The following BZW2 variants were observed in gnomAD, a reference collection of about 807,000 sequenced individuals.
The protein encoded by BZW2 is basic leucine zipper and W2 domains 2, also known as eIF5-mimic protein 1.
A neutral mutation model predicts 53.2 loss-of-function variants in BZW2; 23 were observed. That is an observed-to-expected ratio of 0.43 (90% CI 0.31 to 0.61). The LOEUF is 0.61. Among genes scored for constraint, BZW2 ranks in the 20% least tolerant of loss-of-function variants. BZW2 has a pLI of 0.09. For missense variants in BZW2, 409 were observed against 503.1 expected (o/e 0.81, Z 1.79); for synonymous variants, 227 against 186.4 (o/e 1.22, Z -1.77).
intron 1 of BZW2, among the ~76,000 whole-genome samples, chr7:16,652,344 A>C (rs1465457273): frequency 6.6e-6 from 1 of 152,188 alleles, no homozygotes. Context: ...ACTGGAGACA[A>C]TCAGTGCTTG....
At chr7:16,685,356 C>T (rs547456094) in intron 5 of BZW2, among the ~76,000 whole-genome samples, 4 of 151,760 alleles carry the variant, frequency 2.6e-5, no homozygotes, top group South Asian at 2.1e-4. Flanking sequence ...TGTTGTATTC[C>T]GTGAGCTCAG....
At chr7:16,680,461 C>T (rs1027298663) in intron 3 of BZW2, among the ~76,000 whole-genome samples, 2 of 152,072 alleles carry the variant, frequency 1.3e-5, no homozygotes, top group African/African-American at 4.8e-5. Flanking sequence ...ATGAAGTACA[C>T]TATGGTGGGA....
chr7:16,697,261 T>C (rs886534070), intron 9 of BZW2, among the ~76,000 whole-genome samples, 200 bp downstream of exon 9: 1 of 152,178 alleles, frequency 6.6e-6, no homozygotes, highest in Non-Finnish European at 1.5e-5. Context: ...GGCTAATTTC[T>C]TCATTTTTTG....
intron 1 of BZW2, among the ~76,000 whole-genome samples, chr7:16,654,455 A>C (rs1012193133): frequency 6.6e-6 from 1 of 151,724 alleles, no homozygotes; most frequent in African/African-American, 2.4e-5. Flanking sequence ...ATTGTATTTT[A>C]GCATAATATG....
At chr7:16,670,083 T>A (rs3807480) in intron 2 of BZW2, among the ~76,000 whole-genome samples, 2 of 151,982 alleles carry the variant, frequency 1.3e-5, no homozygotes, top group African/African-American at 2.4e-5. Context: ...CTTTTGATGG[T>A]CACTTTGTTT....
intron 1 of BZW2, among the ~76,000 whole-genome samples, chr7:16,649,729 T>C (rs916245146): frequency 6.6e-6 from 1 of 152,216 alleles, no homozygotes; most frequent in East Asian, 1.9e-4. Flanking sequence ...ATTACGGTTA[T>C]ATTTTTAAAA....
chr7:16,686,149 T>G (rs1377756083), intron 6 of BZW2, 109 bp downstream of exon 6: 8 of 1,467,348 alleles, frequency 5.5e-6, no homozygotes, highest in Non-Finnish European at 7.4e-6. Flanking sequence ...TTACTCATTC[T>G]TCATTTAAGA....
chr7:16,704,998 A>G (rs768024162), intron 11 of BZW2, among the ~76,000 whole-genome samples: 1 of 152,228 alleles, frequency 6.6e-6, no homozygotes, highest in Non-Finnish European at 1.5e-5. Flanking sequence ...TTTTTATGAC[A>G]CCTTTACCAA....
intron 10 of BZW2, among the ~76,000 whole-genome samples, chr7:16,699,775 A>G (rs1783612969): frequency 1.3e-5 from 2 of 152,136 alleles, no homozygotes; most frequent in Admixed American, 6.6e-5. Flanking sequence ...TCTCATTTTA[A>G]CCACTAATGC....
intron 3 of BZW2, among the ~76,000 whole-genome samples, chr7:16,677,608 C>T (rs758534865): frequency 1.3e-5 from 2 of 152,108 alleles, no homozygotes; most frequent in East Asian, 3.9e-4. Context: ...ATCTGGGGCT[C>T]CATTTGAAGA....
chr7:16,678,004 G>A (rs1415068677), intron 3 of BZW2, among the ~76,000 whole-genome samples: 3 of 151,692 alleles, frequency 2.0e-5, no homozygotes, highest in East Asian at 3.9e-4. Context: ...AGCCAGCTAG[G>A]TGCATTCTTC....
intron 3 of BZW2, among the ~76,000 whole-genome samples, chr7:16,675,106 C>G (rs1322305551): frequency 6.6e-6 from 1 of 152,018 alleles, no homozygotes; most frequent in Non-Finnish European, 1.5e-5. Flanking sequence ...AAAAGCTATA[C>G]CTTATAGAAC....
At chr7:16,682,243 C>T (rs948181070) in intron 4 of BZW2, among the ~76,000 whole-genome samples, 1 of 152,154 alleles carries the variant, frequency 6.6e-6, no homozygotes, top group Non-Finnish European at 1.5e-5. Flanking sequence ...AACATCATTC[C>T]ACTTAGAAAA....
chr7:16,686,364 CA>C lies in BZW2; in HGVS notation c.541+328del, dbSNP rs759844473. On this transcript the variant is annotated intron_variant, in intron 6 of 11. Coordinates refer to ENST00000258761, the MANE Select transcript of BZW2 (RefSeq NM_014038.3). ...CTGGTAATCTTTTTGCCCTTCGACA[CA>C]AAATGGCAGCCTTTAACTTTCACCC... 4.4e-4 allele frequency: 110 copies of C among 248,408 alleles called. 1 individual carries two copies. The highest frequency in any genetic ancestry group is 8.3e-4 in the South Asian group (16 of 19,376). The allele number at this position is 248,408 out of a possible 1,614,324, so 15.4% of individuals were successfully genotyped here.
chr7:16,653,453 C>T (rs537553708), intron 1 of BZW2, among the ~76,000 whole-genome samples: 1 of 152,310 alleles, frequency 6.6e-6, no homozygotes, highest in African/African-American at 2.4e-5. Flanking sequence ...AACTAACTTG[C>T]TCTCTGGCAT....
At position 16,665,516 on chromosome 7, in the gene BZW2, T is replaced by TGTGTG. The variant is rs1198677686; in HGVS notation, c.58+16_58+20dup. 2.5e-6 allele frequency: 4 copies of TGTGTG among 1,612,434 alleles called. No homozygotes were observed. Among genetic ancestry groups the TGTGTG allele is most frequent in the Non-Finnish European group, 3.4e-6 (4 of 1,178,884 alleles). The stretch of plus-strand genomic sequence containing the variant: ...TCGGAAAAGGGGTAGGTTGTGTGTG[T>TGTGTG]GTGTGTGTGTGTGTTTAAAGTTGTA... On this transcript the variant is annotated intron_variant, in intron 2 of 11. Transcript: ENST00000258761.
At chr7:16,671,887 C>T (rs796923748) in intron 2 of BZW2, among the ~76,000 whole-genome samples, 82 of 147,640 alleles carry the variant, frequency 5.6e-4, no homozygotes, top group African/African-American at 1.4e-3. Flanking sequence ...GCCAAGATTG[C>T]GCCACTGCCC....
At chr7:16,663,799 A>G (rs1268034826) in intron 1 of BZW2, among the ~76,000 whole-genome samples, 1 of 152,192 alleles carries the variant, frequency 6.6e-6, no homozygotes, top group African/African-American at 2.4e-5. Flanking sequence ...ATCTAGACAT[A>G]TTTTCAGTTT....
At chr7:16,683,266 T>G (rs77587729) in intron 5 of BZW2, among the ~76,000 whole-genome samples, 3,397 of 152,366 alleles carry the variant, frequency 0.022, 125 homozygotes, top group African/African-American at 0.078. Context: ...TAATAACATG[T>G]ATGTGAAACA....
Sources: gnomAD v4.1 joint callset for allele counts (sites outside exome capture counted in the v4.1 genomes callset) on GRCh38, gnomAD v4.1.1 for gene constraint, MANE v1.5 for transcripts, NCBI Gene and HGNC (gene_info 2026-07-23, HGNC 2026-07-21) for gene names.